The following EPHA6 variants were observed in gnomAD, a reference collection of about 807,000 sequenced individuals.
The protein encoded by EPHA6 is ephrin type-A receptor 6.
In EPHA6, 50 loss-of-function variants were observed where a neutral mutation model predicts 112.0. The observed-to-expected ratio is 0.45, with a 90% CI of 0.36 to 0.56. EPHA6 has a LOEUF of 0.56. Among genes scored for constraint, EPHA6 ranks in the 20% least tolerant of loss-of-function variants. The probability of loss-of-function intolerance (pLI) is 0.00; values close to 1 mark genes in which losing one functional copy is unlikely to be tolerated. For synonymous variants in EPHA6, 529 were observed against 490.7 expected, an observed-to-expected ratio of 1.08 and a Z score of -1.03; for missense variants, 1,280 against 1,417.4, an observed-to-expected ratio of 0.90 and a Z score of 1.56.
intron 5 of EPHA6, among the ~76,000 whole-genome samples, chr3:97,253,101 GA>G (rs546008664): frequency 2.0e-5 from 3 of 151,284 alleles, no homozygotes; most frequent in Admixed American, 2.0e-4. Flanking sequence ...TTGTCTACGT[GA>G]AAAAAAACAA....
intron 5 of EPHA6, among the ~76,000 whole-genome samples, chr3:97,344,965 A>G (rs2083468210): frequency 6.6e-6 from 1 of 152,174 alleles, no homozygotes; most frequent in Admixed American, 6.5e-5. Flanking sequence ...TTACAACCAA[A>G]TGGTAACTTT....
intron 2 of EPHA6, among the ~76,000 whole-genome samples, chr3:96,953,381 A>G (rs1200429765): frequency 2.6e-5 from 4 of 152,326 alleles, no homozygotes; most frequent in East Asian, 1.9e-4. Flanking sequence ...CCCAATATAC[A>G]TATTATCACC....
rs1294103032 is a variant in EPHA6, at chr3:97,577,539, C to CA, written c.2387-15067dup. On this transcript the variant is annotated intron_variant, in intron 11 of 17. Transcript: ENST00000389672. ...AAATCCCCTGTCTTGAGAGAGCTCA[C>CA]AAAAAATTGTTTCCAATTTTTATGC... Among the ~76,000 whole-genome samples, 9 of 152,070 alleles carry CA rather than the reference C, an allele frequency of 5.9e-5. No homozygotes were observed. The South Asian group carries it at 8.3e-4, about 14-fold the overall frequency.
intron 3 of EPHA6, among the ~76,000 whole-genome samples, chr3:97,163,502 A>G (rs2076465087): frequency 6.6e-6 from 1 of 152,124 alleles, no homozygotes; most frequent in Non-Finnish European, 1.5e-5. Context: ...GTCTTTATAC[A>G]TTTAGAAAAC....
intron 5 of EPHA6, among the ~76,000 whole-genome samples, chr3:97,364,344 GTT>G (rs61089323): frequency 4.4e-5 from 6 of 136,332 alleles, no homozygotes; most frequent in Non-Finnish European, 3.2e-5. Context: ...TGGAGTTTTA[GTT>G]TTTTTTTTTT....
intron 3 of EPHA6, among the ~76,000 whole-genome samples, chr3:97,092,953 T>C (rs539508868): frequency 6.6e-6 from 1 of 152,274 alleles, no homozygotes; most frequent in South Asian, 2.1e-4. Context: ...CTCTGCTATC[T>C]TGTAGCTCCA....
intron 5 of EPHA6, among the ~76,000 whole-genome samples, chr3:97,387,418 C>A (rs1017466596): frequency 6.6e-6 from 1 of 151,770 alleles, no homozygotes; most frequent in Non-Finnish European, 1.5e-5. Context: ...CTTCAAATAC[C>A]CCTAAATCAT....
chr3:97,019,941 C>G (rs1038175400), intron 3 of EPHA6, among the ~76,000 whole-genome samples: 16 of 152,020 alleles, frequency 1.1e-4, no homozygotes, highest in African/African-American at 3.6e-4. Context: ...TGTATTCATG[C>G]TTTTTCGCAT....
chr3:97,312,460 C>T (rs2081606310), intron 5 of EPHA6, among the ~76,000 whole-genome samples: 1 of 151,408 alleles, frequency 6.6e-6, no homozygotes, highest in Non-Finnish European at 1.5e-5. Flanking sequence ...CAACATAATC[C>T]TCAAAGAAAA....
At chr3:97,731,284 T>C (rs1018923251) in intron 15 of EPHA6, among the ~76,000 whole-genome samples, 7 of 151,818 alleles carry the variant, frequency 4.6e-5, no homozygotes, top group African/African-American at 1.7e-4. Flanking sequence ...AGGACAAAAA[T>C]CCCAAAGGAG....
At chr3:97,057,765 CCTT>C (rs1159947569) in intron 3 of EPHA6, among the ~76,000 whole-genome samples, 1 of 152,116 alleles carries the variant, frequency 6.6e-6, no homozygotes. Context: ...TATTAATTCT[CCTT>C]CTACTTCTGC....
intron 7 of EPHA6, among the ~76,000 whole-genome samples, chr3:97,455,310 A>G (rs1279029884): frequency 6.6e-6 from 1 of 152,048 alleles, no homozygotes; most frequent in Non-Finnish European, 1.5e-5. Flanking sequence ...CAAAACATGT[A>G]TAGCCTTTGC....
chr3:96,866,496 G>A (rs1415412058), intron 1 of EPHA6, among the ~76,000 whole-genome samples: 1 of 151,856 alleles, frequency 6.6e-6, no homozygotes. Flanking sequence ...GTAAATGAAA[G>A]TGGGGGAAAA....
At chr3:97,491,033 G>T (rs2091825454) in intron 10 of EPHA6, among the ~76,000 whole-genome samples, 1 of 152,196 alleles carries the variant, frequency 6.6e-6, no homozygotes, top group South Asian at 2.1e-4. Context: ...GTGGCAGCTT[G>T]CTTCATCAAA....
chr3:97,487,572 T>C (rs2107510014), intron 10 of EPHA6, among the ~76,000 whole-genome samples: 1 of 152,354 alleles, frequency 6.6e-6, no homozygotes, highest in Admixed American at 6.5e-5. Flanking sequence ...ATCAAAATAC[T>C]GTGCAACTGA....
chr3:96,827,596 C>T (rs766879097), intron 1 of EPHA6, among the ~76,000 whole-genome samples: 2 of 151,980 alleles, frequency 1.3e-5, no homozygotes, highest in African/African-American at 4.8e-5. Flanking sequence ...TTCATATACT[C>T]GGATCAATTA....
intron 6 of EPHA6, among the ~76,000 whole-genome samples, chr3:97,421,913 A>AG (rs1378469373): frequency 6.6e-6 from 1 of 151,528 alleles, no homozygotes; most frequent in Non-Finnish European, 1.5e-5. Flanking sequence ...GTATATTGGT[A>AG]GAAAAAAAAA....
chr3:97,550,694 A>G (rs2093017818), intron 11 of EPHA6, among the ~76,000 whole-genome samples: 1 of 152,308 alleles, frequency 6.6e-6, no homozygotes, highest in South Asian at 2.1e-4. Context: ...GGAAGAATAC[A>G]TTCAAGAAAT....
chr3:97,027,641 C>A (rs910335432), intron 3 of EPHA6, among the ~76,000 whole-genome samples: 4 of 152,120 alleles, frequency 2.6e-5, no homozygotes, highest in Non-Finnish European at 5.9e-5. Context: ...AATGAAGTAT[C>A]TGAAAATAAG....
Sources: allele counts gnomAD v4.1 joint callset (sites outside exome capture counted in the v4.1 genomes callset), GRCh38; gene constraint gnomAD v4.1.1; transcripts MANE v1.5; gene names NCBI Gene and HGNC (gene_info 2026-07-23, HGNC 2026-07-21).